PRH1: variants seen among roughly 807,000 people sequenced by gnomAD.
PRH1 encodes salivary acidic proline-rich phosphoprotein 1/2.
Under a neutral mutation model 7.9 loss-of-function variants are expected in PRH1, and 7 were observed. The ratio of observed to expected loss-of-function variants is 0.89; its 90% CI spans 0.50 to 1.67. PRH1 has a LOEUF of 1.67. PRH1 is among the 40% of genes most tolerant of loss of function. The probability of loss-of-function intolerance (pLI) is 0.00; values close to 1 mark genes in which losing one functional copy is unlikely to be tolerated. For missense variants in PRH1, 109 were observed against 223.6 expected, an observed-to-expected ratio of 0.49 and a Z score of 3.27; for synonymous variants, 45 against 80.8, an observed-to-expected ratio of 0.56 and a Z score of 2.38.
chr12:11,013,114 T>G (rs1941140466), intron 1 of PRH1, among the ~76,000 whole-genome samples: 1 of 152,076 alleles, frequency 6.6e-6, no homozygotes, highest in African/African-American at 2.4e-5. Context: ...AGTCCTAAAA[T>G]ATATCTGAAA....
At chr12:10,957,957 C>T (rs1938056260) in intron 2 of PRH1, among the ~76,000 whole-genome samples, 1 of 152,140 alleles carries the variant, frequency 6.6e-6, no homozygotes, top group Non-Finnish European at 1.5e-5. Context: ...TTTCACACTG[C>T]TGGTGGGGAG....
intron 1 of PRH1, among the ~76,000 whole-genome samples, chr12:11,153,510 T>C (rs982480255): frequency 6.6e-6 from 1 of 152,180 alleles, no homozygotes; most frequent in Non-Finnish European, 1.5e-5. Flanking sequence ...CTGGAGGATC[T>C]TGAACCCCTA....
At chr12:11,065,089 T>G (rs1209030127) in intron 1 of PRH1, among the ~76,000 whole-genome samples, 1 of 151,992 alleles carries the variant, frequency 6.6e-6, no homozygotes, top group Admixed American at 6.6e-5. Flanking sequence ...CTGAAAAAAA[T>G]ATCATTTTAA....
intron 1 of PRH1, chr12:11,046,926 A>T (rs912871622): frequency 5.5e-5 from 24 of 438,366 alleles, no homozygotes; most frequent in African/African-American, 4.6e-4. Context: ...TCCGGAGATG[A>T]TACATTTGTA....
At chr12:10,985,100 T>A (rs894044188) in intron 1 of PRH1, among the ~76,000 whole-genome samples, 1 of 151,980 alleles carries the variant, frequency 6.6e-6, no homozygotes. Context: ...ATACTTGACA[T>A]CAGATCTCAA....
At chr12:11,102,608 A>G (rs1227267183) in intron 1 of PRH1, among the ~76,000 whole-genome samples, 9 of 152,206 alleles carry the variant, frequency 5.9e-5, no homozygotes, top group Non-Finnish European at 1.3e-4. Context: ...AACCTAGGCA[A>G]TACCATTCAG....
intron 1 of PRH1, chr12:10,985,838 C>T (rs926866450): frequency 1.6e-5 from 18 of 1,096,058 alleles, no homozygotes; most frequent in Non-Finnish European, 2.3e-5. Context: ...CAAAAACATA[C>T]ACTACAGAAA....
At chr12:10,947,841 A>C (rs1191641323) in intron 2 of PRH1, among the ~76,000 whole-genome samples, 1 of 152,124 alleles carries the variant, frequency 6.6e-6, no homozygotes, top group Non-Finnish European at 1.5e-5. Flanking sequence ...AAATTCCCTC[A>C]ACATTTGCTT....
intron 1 of PRH1, among the ~76,000 whole-genome samples, chr12:11,083,877 T>A (rs76116895): frequency 0.081 from 6,088 of 75,234 alleles, 8 homozygotes; most frequent in African/African-American, 0.11. Context: ...AAGTTCAAAT[T>A]TGTTCATTTT....
intron 1 of PRH1, among the ~76,000 whole-genome samples, chr12:11,107,883 T>C (rs1945471586): frequency 1.3e-5 from 2 of 152,118 alleles, no homozygotes; most frequent in Admixed American, 6.5e-5. Context: ...AGCTCAAGGA[T>C]AAAGAAAGGA....
In PRH1 at chr12:10,986,349, G is replaced by A. The variant is rs1463006752; in HGVS notation, c.-125-12628C>T. ...TACAGTCAAATATGAAAGATGTACT[G>A]TATTCCTCAATTTCATCTTCCCAGT... On this transcript the variant is annotated intron_variant, in intron 1 of 3. Transcript: ENST00000539853. 2.5e-6 allele frequency: 4 copies of A among 1,613,872 alleles called. No individual in the cohort carries two copies. In the African/African-American group the frequency reaches 4.0e-5, roughly 16 times the overall value.
At chr12:11,099,057 T>C (rs1945149902) in intron 1 of PRH1, among the ~76,000 whole-genome samples, 2 of 152,134 alleles carry the variant, frequency 1.3e-5, no homozygotes, top group African/African-American at 2.4e-5. Context: ...TTATATAAAA[T>C]ATTTAGCCAT....
chr12:10,944,710 CTTATTATTT>C (rs1326347058), intron 2 of PRH1, among the ~76,000 whole-genome samples: 3 of 151,978 alleles, frequency 2.0e-5, no homozygotes, highest in Non-Finnish European at 2.9e-5. Flanking sequence ...ATAGATGGCT[CTTATTATTT>C]TTAGTATGTT....
At chr12:10,887,824 GGATGTTGTC>G (rs1334955634), upstream of PRH1, among the ~76,000 whole-genome samples, 1 of 152,056 alleles carries the variant, frequency 6.6e-6, no homozygotes, top group Non-Finnish European at 1.5e-5. Context: ...CAGTTTAACC[GGATGTTGTC>G]GATGTTGTTT....
chr12:11,073,036 A>G (rs1307195438), intron 1 of PRH1, among the ~76,000 whole-genome samples: 4 of 149,974 alleles, frequency 2.7e-5, no homozygotes, highest in Non-Finnish European at 5.9e-5. Flanking sequence ...TACTAGCAGA[A>G]AGAGATACAC....
In PRH1 at chr12:11,091,962, C is replaced by T. The variant is rs773307005; in HGVS notation, n.124-44774G>A. 8.8e-6 allele frequency: 11 copies of T among 1,245,086 alleles called. 2 individuals carry two copies. In the Middle Eastern group the frequency reaches 5.4e-4, roughly 61 times the overall value. 77.1% of individuals were successfully genotyped at this position (1,245,086 alleles called of 1,614,324 possible). ...AGCCAGTTGCTGAAATGGTTGATCA[C>T]TGCCCAGATATTATAAGCAGTAGTT... On this transcript the variant is annotated intron_variant and non_coding_transcript_variant, in intron 1 of 4. Transcript: ENST00000541977.
chr12:11,027,125 C>T (rs1460862003), intron 1 of PRH1, among the ~76,000 whole-genome samples: 3 of 151,616 alleles, frequency 2.0e-5, no homozygotes, highest in Admixed American at 6.6e-5. Flanking sequence ...ATTAGCCAGG[C>T]GTGATGTTGT....
chr12:11,108,664 C>T (rs1592029428), intron 1 of PRH1, among the ~76,000 whole-genome samples: 1 of 152,202 alleles, frequency 6.6e-6, no homozygotes, highest in African/African-American at 2.4e-5. Context: ...CCATGGTCTT[C>T]GTAACCCACA....
At chr12:11,061,395 C>A in intron 1 of PRH1, 1 of 1,570,634 alleles carries the variant, frequency 6.4e-7, no homozygotes, top group Non-Finnish European at 8.7e-7. Flanking sequence ...CTCCTTTCAC[C>A]CAGTACCTCA....
Sources: gnomAD v4.1 joint callset for allele counts (sites outside exome capture counted in the v4.1 genomes callset) on GRCh38, gnomAD v4.1.1 for gene constraint, MANE v1.5 for transcripts, NCBI Gene and HGNC (gene_info 2026-07-23, HGNC 2026-07-21) for gene names.